Variants in MACROD2 observed in about 807,000 individuals in gnomAD.
MACROD2 encodes mono-ADP ribosylhydrolase 2.
In MACROD2, 36 loss-of-function variants were observed where a neutral mutation model predicts 70.4. That is an observed-to-expected ratio of 0.51 (90% CI 0.39 to 0.68). The LOEUF is 0.68. MACROD2 is among the 30% of genes least tolerant of loss of function. The pLI, the probability that MACROD2 is intolerant of heterozygous loss-of-function variation, is 0.00. For missense variants in MACROD2, 496 were observed against 538.4 expected, an observed-to-expected ratio of 0.92 and a Z score of 0.78; for synonymous variants, 172 against 178.8, an observed-to-expected ratio of 0.96 and a Z score of 0.30.
intron 10 of MACROD2, among the ~76,000 whole-genome samples, chr20:15,889,276 G>A (rs538458964): frequency 5.3e-5 from 8 of 152,248 alleles, no homozygotes; most frequent in Middle Eastern, 3.4e-3. Context: ...CAAGTCAGCC[G>A]CAGCACAGCT....
intron 7 of MACROD2, among the ~76,000 whole-genome samples, chr20:15,453,911 C>G (rs1448566852): frequency 6.6e-6 from 1 of 152,128 alleles, no homozygotes; most frequent in African/African-American, 2.4e-5. Flanking sequence ...GGTCTCTAGG[C>G]AGCTGTGAGA....
chr20:15,438,516 A>C (rs1360850964), intron 7 of MACROD2, among the ~76,000 whole-genome samples: 1 of 152,142 alleles, frequency 6.6e-6, no homozygotes. Context: ...TGCCCACTTT[A>C]TAATGGGGTT....
chr20:14,176,511 A>G (rs1023953345), intron 3 of MACROD2, among the ~76,000 whole-genome samples: 4 of 152,194 alleles, frequency 2.6e-5, no homozygotes, highest in African/African-American at 9.7e-5. Flanking sequence ...TAAGTTCACC[A>G]TTGTAATATC....
intron 7 of MACROD2, among the ~76,000 whole-genome samples, chr20:15,449,600 C>G (rs6079832): frequency 0.19 from 28,940 of 151,992 alleles, 3,406 homozygotes; most frequent in Non-Finnish European, 0.28. Flanking sequence ...AATTTTCAGT[C>G]TTTTTATTTT....
intron 8 of MACROD2, among the ~76,000 whole-genome samples, chr20:15,761,434 T>C (rs2051434032): frequency 6.6e-6 from 1 of 152,218 alleles, no homozygotes; most frequent in South Asian, 2.1e-4. Flanking sequence ...AAGGGAAGAA[T>C]TTAGCTTAGT....
At chr20:15,674,851 G>C (rs2050034883) in intron 8 of MACROD2, among the ~76,000 whole-genome samples, 1 of 152,064 alleles carries the variant, frequency 6.6e-6, no homozygotes, top group Non-Finnish European at 1.5e-5. Flanking sequence ...TTCTCCTAAA[G>C]AGATGAGAAA....
intron 2 of MACROD2, among the ~76,000 whole-genome samples, chr20:14,065,677 CATA>C (rs1272930084): frequency 6.6e-6 from 1 of 152,148 alleles, no homozygotes. Flanking sequence ...GTAATATCCC[CATA>C]AGTGGGGAAA....
chr20:14,744,325 A>AT (rs1419988207), intron 5 of MACROD2, among the ~76,000 whole-genome samples: 1 of 152,282 alleles, frequency 6.6e-6, no homozygotes, highest in Admixed American at 6.5e-5. Context: ...CTTTAAAAAA[A>AT]TTTTTTAATT....
chr20:15,445,018 C>G (rs2046544219), intron 7 of MACROD2, among the ~76,000 whole-genome samples: 1 of 152,090 alleles, frequency 6.6e-6, no homozygotes, highest in Non-Finnish European at 1.5e-5. Context: ...CCACTAGATT[C>G]TGAGTTCTTT....
At chr20:14,068,259 C>T (rs553023243) in intron 2 of MACROD2, among the ~76,000 whole-genome samples, 2 of 152,156 alleles carry the variant, frequency 1.3e-5, no homozygotes, top group East Asian at 1.9e-4. Context: ...ATTATCCTCT[C>T]GCACCCCCCA....
At chr20:14,962,947 T>C (rs1312417395) in intron 5 of MACROD2, among the ~76,000 whole-genome samples, 2 of 152,156 alleles carry the variant, frequency 1.3e-5, no homozygotes, top group African/African-American at 2.4e-5. Context: ...GGTTGGAGAA[T>C]ATGCCATGGA....
chr20:15,568,109 A>G (rs2048331825), intron 8 of MACROD2, among the ~76,000 whole-genome samples: 1 of 152,224 alleles, frequency 6.6e-6, no homozygotes, highest in Non-Finnish European at 1.5e-5. Context: ...CTAAATTTCT[A>G]CATAGGAAAA....
At chr20:15,524,581 T>C (rs188820502) in intron 8 of MACROD2, among the ~76,000 whole-genome samples, 1 of 152,236 alleles carries the variant, frequency 6.6e-6, no homozygotes, top group Non-Finnish European at 1.5e-5. Flanking sequence ...GAATGATGCG[T>C]CACCTACAAA....
intron 8 of MACROD2, among the ~76,000 whole-genome samples, chr20:15,640,328 G>A (rs2049440382): frequency 6.6e-6 from 1 of 152,156 alleles, no homozygotes; most frequent in Non-Finnish European, 1.5e-5. Context: ...TAGCGAGAGA[G>A]AGAGAGATGG....
chr20:15,541,605 T>G (rs2047956674), intron 8 of MACROD2, among the ~76,000 whole-genome samples: 1 of 152,160 alleles, frequency 6.6e-6, no homozygotes, highest in Admixed American at 6.5e-5. Flanking sequence ...CACCTAACAG[T>G]TTTCTTCAGA....
At chr20:15,925,204 A>G (rs1048437428) in intron 10 of MACROD2, among the ~76,000 whole-genome samples, 1 of 152,240 alleles carries the variant, frequency 6.6e-6, no homozygotes, top group Non-Finnish European at 1.5e-5. Context: ...CAGTTGTACC[A>G]TGAAGTCATT....
intron 5 of MACROD2, among the ~76,000 whole-genome samples, chr20:14,836,715 G>T (rs2073033881): frequency 6.6e-6 from 1 of 152,020 alleles, no homozygotes; most frequent in African/African-American, 2.4e-5. Flanking sequence ...TGGGTAAGAG[G>T]TCCATAGAGG....
At chr20:15,221,567 C>G (rs922307434) in intron 5 of MACROD2, among the ~76,000 whole-genome samples, 1 of 152,094 alleles carries the variant, frequency 6.6e-6, no homozygotes, top group Non-Finnish European at 1.5e-5. Context: ...AAAAAGGGAC[C>G]CTTACATGTA....
At chr20:15,152,710 G>A (rs1339563401) in intron 5 of MACROD2, among the ~76,000 whole-genome samples, 1 of 151,988 alleles carries the variant, frequency 6.6e-6, no homozygotes, top group African/African-American at 2.4e-5. Flanking sequence ...TAAGGGTGAA[G>A]GACCAAAGCA....
Sources: allele counts gnomAD v4.1 joint callset (sites outside exome capture counted in the v4.1 genomes callset), GRCh38; gene constraint gnomAD v4.1.1; transcripts MANE v1.5; gene names NCBI Gene and HGNC (gene_info 2026-07-23, HGNC 2026-07-21).